The following PTPRD variants were observed in gnomAD, a reference collection of about 807,000 sequenced individuals.
PTPRD encodes protein tyrosine phosphatase receptor type D.
PTPRD carries 34 observed loss-of-function variants against 214.5 expected under a neutral mutation model. The observed-to-expected ratio is 0.16, with a 90% CI of 0.12 to 0.21. The LOEUF is 0.21. Ranked by LOEUF, PTPRD falls within the 10% of genes least tolerant of loss-of-function variation. The pLI is 1.00. For missense variants in PTPRD, 2,545 were observed against 2,398.7 expected, an observed-to-expected ratio of 1.06 and a Z score of -1.27; for synonymous variants, 1,128 against 845.7, an observed-to-expected ratio of 1.33 and a Z score of -5.79.
chr9:9,977,586 A>C (rs1479802990), intron 4 of PTPRD, among the ~76,000 whole-genome samples: 1 of 152,174 alleles, frequency 6.6e-6, no homozygotes. Flanking sequence ...AAAAATACTA[A>C]GATATAACAA....
rs184728151 is a variant in PTPRD at position 9,041,853 on chromosome 9, T to C, written c.-142-23118A>G. On this transcript the variant is annotated intron_variant, in intron 10 of 45. Transcript: ENST00000381196. ...CAGCTAATCTCCTACTCAACTGTACTGGCTATCTAGGAAAAATAAAAGTTT... is the reference window on the plus strand; with the variant it reads ...CAGCTAATCTCCTACTCAACTGTACCGGCTATCTAGGAAAAATAAAAGTTT... Among the ~76,000 whole-genome samples, 8 of 152,304 alleles carry C rather than the reference T, an allele frequency of 5.3e-5. No individual in the cohort carries two copies. The East Asian group carries it at 1.2e-3, about 22-fold the overall frequency.
At chr9:8,827,078 G>C (rs1163481761) in intron 11 of PTPRD, among the ~76,000 whole-genome samples, 1 of 151,618 alleles carries the variant, frequency 6.6e-6, no homozygotes, top group Non-Finnish European at 1.5e-5. Flanking sequence ...ACACCCTCAT[G>C]GTTCAGAGTA....
intron 11 of PTPRD, among the ~76,000 whole-genome samples, chr9:8,948,002 G>C (rs2099076228): frequency 6.8e-6 from 1 of 146,084 alleles, no homozygotes. Context: ...CTTATACCCA[G>C]AGTCTGGGCT....
intron 10 of PTPRD, among the ~76,000 whole-genome samples, chr9:9,101,827 A>G (rs534439047): frequency 6.6e-5 from 10 of 152,348 alleles, no homozygotes; most frequent in Admixed American, 5.9e-4. Context: ...TTAATCATAC[A>G]TATAGAAAAT....
At chr9:8,458,639 C>T (rs2096283482) in intron 33 of PTPRD, among the ~76,000 whole-genome samples, 1 of 152,072 alleles carries the variant, frequency 6.6e-6, no homozygotes, top group South Asian at 2.1e-4. Flanking sequence ...CAAAGGACAC[C>T]AGCTCCTGCT....
At chr9:10,340,634 A>G (rs1022009644) in intron 3 of PTPRD, among the ~76,000 whole-genome samples, 2 of 151,922 alleles carry the variant, frequency 1.3e-5, no homozygotes, top group Non-Finnish European at 2.9e-5. Flanking sequence ...CAGAAATAAA[A>G]CCATTTTTCT....
chr9:9,789,880 T>C (rs1034237594), intron 5 of PTPRD, among the ~76,000 whole-genome samples: 2 of 150,856 alleles, frequency 1.3e-5, no homozygotes, highest in South Asian at 2.1e-4. Flanking sequence ...AAGGTAAACA[T>C]TGTAGCTACT....
intron 12 of PTPRD, among the ~76,000 whole-genome samples, chr9:8,720,831 A>G (rs185409210): frequency 6.6e-6 from 1 of 152,268 alleles, no homozygotes; most frequent in African/African-American, 2.4e-5. Context: ...GGGCATAGTA[A>G]CTACAATGAA....
At chr9:8,351,026 T>A (rs1485773319) in intron 39 of PTPRD, among the ~76,000 whole-genome samples, 1 of 152,194 alleles carries the variant, frequency 6.6e-6, no homozygotes, top group South Asian at 2.1e-4. Context: ...GAGATTTTAT[T>A]GTAGCATTGT....
At chr9:10,551,663 T>C (rs2131119532) in intron 2 of PTPRD, among the ~76,000 whole-genome samples, 1 of 152,276 alleles carries the variant, frequency 6.6e-6, no homozygotes, top group East Asian at 1.9e-4. Context: ...TATTATAGAA[T>C]TATAAGAAAT....
intron 11 of PTPRD, among the ~76,000 whole-genome samples, chr9:8,843,148 A>C (rs1316590107): frequency 3.9e-5 from 6 of 152,198 alleles, no homozygotes; most frequent in African/African-American, 1.4e-4. Context: ...GCAACAGAAA[A>C]GACTCCCTGG....
intron 8 of PTPRD, among the ~76,000 whole-genome samples, chr9:9,503,844 T>A (rs1006951687): frequency 6.6e-6 from 1 of 151,698 alleles, no homozygotes; most frequent in Non-Finnish European, 1.5e-5. Context: ...AAACCATAAC[T>A]TTACATAAAG....
At chr9:10,144,775 A>ATC (rs1232073579) in intron 3 of PTPRD, among the ~76,000 whole-genome samples, 6 of 152,092 alleles carry the variant, frequency 3.9e-5, no homozygotes, top group African/African-American at 7.2e-5. Context: ...CCCATTATAA[A>ATC]TCTCTCTCTC....
intron 14 of PTPRD, among the ~76,000 whole-genome samples, chr9:8,542,064 C>A (rs1032969078): frequency 6.6e-6 from 1 of 152,018 alleles, no homozygotes. Context: ...CCTTGACCTT[C>A]TTCTTCAATA....
chr9:8,477,413 A>T (rs961459013), intron 30 of PTPRD, among the ~76,000 whole-genome samples: 1 of 152,126 alleles, frequency 6.6e-6, no homozygotes, highest in Non-Finnish European at 1.5e-5. Context: ...AGTTTTACTG[A>T]TTTCATTTAA....
At chr9:10,533,562 A>T (rs192259922) in intron 2 of PTPRD, among the ~76,000 whole-genome samples, 1 of 152,020 alleles carries the variant, frequency 6.6e-6, no homozygotes, top group Admixed American at 6.6e-5. Context: ...ATTAAAGAGT[A>T]TGAAACACAT....
intron 9 of PTPRD, among the ~76,000 whole-genome samples, chr9:9,332,478 C>T (rs1184066308): frequency 1.3e-5 from 2 of 151,088 alleles, no homozygotes; most frequent in Non-Finnish European, 2.9e-5. Flanking sequence ...CCTATTATCA[C>T]ACTGTACCAA....
chr9:9,478,742 GA>G (rs1208372736), intron 8 of PTPRD, among the ~76,000 whole-genome samples: 22 of 151,940 alleles, frequency 1.4e-4, no homozygotes, highest in Non-Finnish European at 2.5e-4. Flanking sequence ...TCAAAATGTT[GA>G]AAAAAAATTT....
chr9:8,767,525 G>A (rs1457040887), intron 11 of PTPRD, among the ~76,000 whole-genome samples: 1 of 151,982 alleles, frequency 6.6e-6, no homozygotes, highest in East Asian at 1.9e-4. Context: ...TTTTTGTAAT[G>A]GCAAAACTAG....
Sources: allele counts gnomAD v4.1 joint callset (sites outside exome capture counted in the v4.1 genomes callset), GRCh38; gene constraint gnomAD v4.1.1; transcripts MANE v1.5; gene names NCBI Gene and HGNC (gene_info 2026-07-23, HGNC 2026-07-21).